Variants in NTM observed in about 807,000 individuals in gnomAD.
NTM encodes neurotrimin.
A neutral mutation model predicts 42.1 loss-of-function variants in NTM; 13 were observed. The ratio of observed to expected loss-of-function variants is 0.31; its 90% CI spans 0.20 to 0.49. The LOEUF (loss-of-function observed/expected upper bound fraction) is 0.49. Ranked by LOEUF, NTM falls within the 20% of genes least tolerant of loss-of-function variation. The pLI is 0.99. For missense variants in NTM, 373 were observed against 452.8 expected (o/e 0.82, Z 1.60); for synonymous variants, 187 against 179.2 (o/e 1.04, Z -0.35).
At chr11:131,992,287 T>C (rs1244557892) in intron 2 of NTM, among the ~76,000 whole-genome samples, 2 of 152,210 alleles carry the variant, frequency 1.3e-5, no homozygotes, top group Non-Finnish European at 2.9e-5. Flanking sequence ...TATACAAATA[T>C]GATCAATAAT....
At chr11:131,792,383 T>C (rs2091053349) in intron 1 of NTM, among the ~76,000 whole-genome samples, 2 of 152,162 alleles carry the variant, frequency 1.3e-5, no homozygotes, top group Non-Finnish European at 2.9e-5. Context: ...GGTGATAGTA[T>C]GTTCTCAGAT....
intron 1 of NTM, among the ~76,000 whole-genome samples, chr11:131,693,036 C>A (rs1024038844): frequency 1.3e-5 from 2 of 149,016 alleles, no homozygotes; most frequent in Non-Finnish European, 3.0e-5. Context: ...TCAGCCAAGA[C>A]AAGTCATTAG....
chr11:132,219,624 G>T (rs936625566), intron 4 of NTM, among the ~76,000 whole-genome samples: 3 of 151,964 alleles, frequency 2.0e-5, no homozygotes, highest in Non-Finnish European at 2.9e-5. Context: ...CATAAGAAAA[G>T]GCCCTCCCCC....
At chr11:132,204,467 T>C (rs2081646003) in intron 3 of NTM, among the ~76,000 whole-genome samples, 1 of 152,074 alleles carries the variant, frequency 6.6e-6, no homozygotes, top group Non-Finnish European at 1.5e-5. Flanking sequence ...AGGCAGACAG[T>C]TGTGTAGCAA....
At chr11:131,962,831 A>G (rs1046264951) in intron 2 of NTM, among the ~76,000 whole-genome samples, 5 of 152,028 alleles carry the variant, frequency 3.3e-5, no homozygotes, top group Non-Finnish European at 7.4e-5. Context: ...TTCCACCCCA[A>G]GTAGTGTGAG....
At chr11:132,063,479 G>A (rs2080994135) in intron 2 of NTM, among the ~76,000 whole-genome samples, 1 of 152,156 alleles carries the variant, frequency 6.6e-6, no homozygotes, top group African/African-American at 2.4e-5. Flanking sequence ...AGGCCAGAGG[G>A]CAATATAGAT....
At chr11:131,605,915 T>G (rs1175170265) in intron 1 of NTM, 1 of 976,274 alleles carries the variant, frequency 1.0e-6, no homozygotes, top group African/African-American at 1.8e-5. Context: ...ATTCTGTGCT[T>G]TCTCTTTTAT....
rs533035617 is a variant in NTM, at chr11:132,332,606, G to A, written c.967+2421G>A. On this transcript the variant is annotated intron_variant, in intron 8 of 8. Coordinates refer to ENST00000683400, the MANE Select transcript of NTM (RefSeq NM_001352005.2). The stretch of plus-strand genomic sequence containing the variant: ...CAGATCCACAAAAGAACTCTGAGGG[G>A]CGTAGCAAGGAGACCAAACACAGGC... 1.6e-4 allele frequency: 24 copies of A among 152,300 alleles called. 1 individual carries two copies. Among genetic ancestry groups the A allele is most frequent in the Admixed American group, 1.5e-3 (23 of 15,274 alleles). The allele number at this position is 152,300 out of a possible 1,614,324, so 9.4% of individuals were successfully genotyped here. A position where few individuals can be genotyped will look rare whatever the true frequency, so the allele number is the denominator to read the frequency against.
At chr11:132,282,674 C>A (rs968220687) in intron 4 of NTM, among the ~76,000 whole-genome samples, 1 of 152,108 alleles carries the variant, frequency 6.6e-6, no homozygotes, top group Non-Finnish European at 1.5e-5. Context: ...ATAAGTTTTT[C>A]CTTTGTGTCA....
chr11:132,004,633 C>CTCTCAA (rs1273414518), intron 2 of NTM, among the ~76,000 whole-genome samples: 3 of 147,656 alleles, frequency 2.0e-5, no homozygotes, highest in Non-Finnish European at 3.0e-5. Context: ...CTCTCTCTCT[C>CTCTCAA]TCACACACAC....
At chr11:132,274,443 A>G (rs533103229) in intron 4 of NTM, among the ~76,000 whole-genome samples, 22 of 152,156 alleles carry the variant, frequency 1.4e-4, no homozygotes, top group African/African-American at 5.3e-4. Context: ...TTATGTCTTC[A>G]TTTCCATTTA....
chr11:132,181,372 T>C (rs1454653592), intron 3 of NTM, among the ~76,000 whole-genome samples: 1 of 152,252 alleles, frequency 6.6e-6, no homozygotes, highest in Non-Finnish European at 1.5e-5. Flanking sequence ...TCCTGCTGTG[T>C]TCTGCCTCAT....
At chr11:132,290,214 A>C (rs1466711410) in intron 4 of NTM, among the ~76,000 whole-genome samples, 1 of 152,198 alleles carries the variant, frequency 6.6e-6, no homozygotes, top group Non-Finnish European at 1.5e-5. Context: ...AGTCTTATAG[A>C]GAATTAAAAA....
chr11:131,776,474 A>T (rs2086995567), intron 1 of NTM, among the ~76,000 whole-genome samples: 1 of 152,196 alleles, frequency 6.6e-6, no homozygotes. Context: ...CAAGGGTGAC[A>T]GTTTTACCAA....
chr11:131,691,441 C>T (rs144130976), intron 1 of NTM, among the ~76,000 whole-genome samples: 1 of 152,322 alleles, frequency 6.6e-6, no homozygotes, highest in Non-Finnish European at 1.5e-5. Context: ...TCCAGGCTGG[C>T]CGAGCCGAGA....
At chr11:132,278,424 C>T (rs111997210) in intron 4 of NTM, among the ~76,000 whole-genome samples, 25 of 152,242 alleles carry the variant, frequency 1.6e-4, no homozygotes, top group African/African-American at 5.5e-4. Flanking sequence ...TCTGCTAATC[C>T]GTCAGCCAGA....
intron 1 of NTM, among the ~76,000 whole-genome samples, chr11:131,905,797 T>C (rs767971726): frequency 1.4e-4 from 21 of 152,300 alleles, no homozygotes; most frequent in African/African-American, 4.1e-4. Context: ...GTTGAGTTGA[T>C]GAAGGGCTTC....
intron 2 of NTM, among the ~76,000 whole-genome samples, chr11:131,985,132 C>T (rs981378716): frequency 2.0e-5 from 3 of 152,116 alleles, no homozygotes; most frequent in African/African-American, 2.4e-5. Context: ...TTGTGATCAT[C>T]GGTGTAAACA....
At chr11:131,559,848 C>T (rs188256608) in intron 1 of NTM, among the ~76,000 whole-genome samples, 77 of 152,214 alleles carry the variant, frequency 5.1e-4, no homozygotes, top group Middle Eastern at 3.4e-3. Context: ...AAGACTTGGC[C>T]TTAAAGTGTA....
Sources: gnomAD v4.1 joint callset for allele counts (sites outside exome capture counted in the v4.1 genomes callset) on GRCh38, gnomAD v4.1.1 for gene constraint, MANE v1.5 for transcripts, NCBI Gene and HGNC (gene_info 2026-07-23, HGNC 2026-07-21) for gene names.